The following NRXN2 variants were observed in gnomAD, a reference collection of about 807,000 sequenced individuals.
NRXN2 encodes neurexin-2-beta.
Under a neutral mutation model 128.8 loss-of-function variants are expected in NRXN2, and 29 were observed. The observed-to-expected ratio is 0.23, with a 90% CI of 0.17 to 0.31. NRXN2 has a LOEUF of 0.31. Ranked by LOEUF, NRXN2 falls within the 10% of genes least tolerant of loss-of-function variation. The pLI, the probability that NRXN2 is intolerant of heterozygous loss-of-function variation, is 1.00. For missense variants in NRXN2, 1,881 were observed against 2,452.6 expected, an observed-to-expected ratio of 0.77 and a Z score of 4.92; for synonymous variants, 1,098 against 1,075.2, an observed-to-expected ratio of 1.02 and a Z score of -0.41.
chr11:64,671,050 A>G (rs1333710839), intron 7 of NRXN2, among the ~76,000 whole-genome samples: 1 of 152,202 alleles, frequency 6.6e-6, no homozygotes, highest in Non-Finnish European at 1.5e-5. Flanking sequence ...GGGGTAGAGA[A>G]GAGGAAACAC....
At chr11:64,666,493 C>T (rs186978108) in intron 9 of NRXN2, among the ~76,000 whole-genome samples, 10 of 152,180 alleles carry the variant, frequency 6.6e-5, no homozygotes, top group Admixed American at 5.9e-4. Flanking sequence ...TGAGCCACAG[C>T]GCCCGGCCTA....
chr11:64,715,505 G>A (rs1053137285), intron 1 of NRXN2, among the ~76,000 whole-genome samples: 2 of 152,170 alleles, frequency 1.3e-5, no homozygotes, highest in African/African-American at 4.8e-5. Flanking sequence ...GGAAGGAAAC[G>A]AGGGACCCCC....
At chr11:64,628,242 A>G (rs538634919) in intron 19 of NRXN2, among the ~76,000 whole-genome samples, 207 of 152,320 alleles carry the variant, frequency 1.4e-3, no homozygotes, top group African/African-American at 4.9e-3. Context: ...CGAAGTGGAA[A>G]CTGAGATTCA....
chr11:64,633,561 CCTCA>C (rs2044250014), intron 18 of NRXN2, among the ~76,000 whole-genome samples: 1 of 152,152 alleles, frequency 6.6e-6, no homozygotes, highest in South Asian at 2.1e-4. Flanking sequence ...AAGGAGCAGC[CCTCA>C]CTCACAGAGG....
At chr11:64,699,531 A>G (rs1021564787) in intron 2 of NRXN2, among the ~76,000 whole-genome samples, 2 of 132,066 alleles carry the variant, frequency 1.5e-5, no homozygotes, top group Non-Finnish European at 3.1e-5. Context: ...CCCGGGTTCA[A>G]GTGATTCTCC....
intron 5 of NRXN2, among the ~76,000 whole-genome samples, chr11:64,689,445 G>T (rs534032233): frequency 7.9e-5 from 12 of 152,116 alleles, no homozygotes; most frequent in Non-Finnish European, 1.6e-4. Context: ...TTTATTGTAG[G>T]TGTTAGAACA....
intron 22 of NRXN2, among the ~76,000 whole-genome samples, chr11:64,617,637 C>A (rs1303195543): frequency 1.3e-5 from 2 of 152,158 alleles, no homozygotes; most frequent in African/African-American, 2.4e-5. Context: ...GGTAAAACCC[C>A]ATGGGGTCTC....
intron 7 of NRXN2, among the ~76,000 whole-genome samples, chr11:64,671,997 C>T (rs1480622898): frequency 6.6e-6 from 1 of 152,120 alleles, no homozygotes; most frequent in Non-Finnish European, 1.5e-5. Flanking sequence ...TGTCTGCACC[C>T]AACCCATGCC....
intron 3 of NRXN2, among the ~76,000 whole-genome samples, chr11:64,695,420 C>T (rs1044955987): frequency 1.3e-5 from 2 of 152,046 alleles, no homozygotes; most frequent in African/African-American, 4.8e-5. Context: ...AGGCCTCAGG[C>T]ACAGTGTCAA....
chr11:64,716,551 A>T (rs564789512), intron 1 of NRXN2, among the ~76,000 whole-genome samples: 1 of 151,670 alleles, frequency 6.6e-6, no homozygotes, highest in East Asian at 2.0e-4. Flanking sequence ...GTGTGGAGGG[A>T]GAGTGGGAGG....
intron 22 of NRXN2, among the ~76,000 whole-genome samples, chr11:64,610,113 C>G (rs2040391873): frequency 6.6e-6 from 1 of 152,176 alleles, no homozygotes; most frequent in African/African-American, 2.4e-5. Context: ...GCCAGCCAGC[C>G]TGTGGCCAAG....
At chr11:64,653,621 C>G (rs916133882) in intron 12 of NRXN2, 75 bp downstream of exon 12, 4 of 1,399,508 alleles carry the variant, frequency 2.9e-6, no homozygotes, top group African/African-American at 2.8e-5. Context: ...TTCCTCCCAG[C>G]CTCCCTCCCT....
chr11:64,642,480 C>A (rs2045845551), intron 17 of NRXN2: 2 of 1,546,528 alleles, frequency 1.3e-6, no homozygotes, highest in African/African-American at 1.4e-5. Flanking sequence ...GCTGCGCACA[C>A]GGGAAGCGCC....
At chr11:64,687,386 G>C (rs547992807) in intron 5 of NRXN2, among the ~76,000 whole-genome samples, 1 of 152,302 alleles carries the variant, frequency 6.6e-6, no homozygotes, top group East Asian at 1.9e-4. Flanking sequence ...TCTCTCTCTA[G>C]GCAGGCTGCC....
At chr11:64,718,615 C>T (rs1010356882) in intron 1 of NRXN2, among the ~76,000 whole-genome samples, 6 of 151,998 alleles carry the variant, frequency 3.9e-5, no homozygotes, top group South Asian at 2.1e-4. Flanking sequence ...TGGGGGTGTT[C>T]GAGGTGAGAC....
Position 64,608,121 on chromosome 11 carries a change from C to T in NRXN2, c.4253-39G>A, listed in dbSNP as rs1267624193. The T allele has an allele frequency of 3.3e-6, 5 of 1,499,586 alleles. No homozygotes were observed. In the East Asian group the frequency reaches 9.2e-5, roughly 27 times the overall value. 92.9% of individuals were successfully genotyped at this position (1,499,586 alleles called of 1,614,324 possible). ...GAGAAGAGAAAAGAGAGGGCGTCAG[C>T]GAGGGCCAGGGCGCAGGCGGCCGGC... On this transcript the variant is annotated intron_variant, in intron 22 of 22. Coordinates refer to ENST00000265459, the MANE Select transcript of NRXN2 (RefSeq NM_015080.4).
chr11:64,667,762 G>A lies in NRXN2; in HGVS notation c.1360-74C>T, dbSNP rs1478284356. On this transcript the variant is annotated intron_variant, in intron 8 of 22. Coordinates refer to ENST00000265459, the MANE Select transcript of NRXN2 (RefSeq NM_015080.4). This position sits in a 1 kb window ranked among gnomAD's most constrained non-coding sequence, Gnocchi z 5.6. ...GGCCTGGCCACTCCCACCCAGCAGC[G>A]AGCACCAGGGGACCCAGCCACCCAC... 1.0e-5 allele frequency: 15 copies of A among 1,455,312 alleles called. No individual in the cohort carries two copies. The highest frequency in any genetic ancestry group is 4.2e-5 in the African/African-American group (3 of 72,180). 90.1% of individuals were successfully genotyped at this position (1,455,312 alleles called of 1,614,324 possible). A position where few individuals can be genotyped will look rare whatever the true frequency, so the allele number is the denominator to read the frequency against.
intron 17 of NRXN2, among the ~76,000 whole-genome samples, chr11:64,643,984 A>T (rs1370628702): frequency 6.7e-6 from 1 of 148,690 alleles, no homozygotes; most frequent in Non-Finnish European, 1.5e-5. Flanking sequence ...TGAGATGTGT[A>T]TCGGCTTGGG....
chr11:64,678,630 T>G (rs1457601132), intron 6 of NRXN2, among the ~76,000 whole-genome samples: 2 of 152,242 alleles, frequency 1.3e-5, no homozygotes, highest in East Asian at 3.8e-4. Flanking sequence ...TAAGTTCATT[T>G]TCTCTTCTCA....
Sources: allele counts gnomAD v4.1 joint callset (sites outside exome capture counted in the v4.1 genomes callset), GRCh38; gene constraint gnomAD v4.1.1; non-coding constraint Gnocchi (gnomAD v3.1); transcripts MANE v1.5; gene names NCBI Gene and HGNC (gene_info 2026-07-23, HGNC 2026-07-21).